The following AKAP19 variants were observed in gnomAD, a reference collection of about 807,000 sequenced individuals.
The protein encoded by AKAP19 is A-kinase anchoring protein 19.
the AKAP19 span, among the ~76,000 whole-genome samples, chr2:190,035,953 G>A: frequency 8.5e-5 from 13 of 152,168 alleles, no homozygotes; most frequent in African/African-American, 3.1e-4. Context: ...GCTAGATTAT[G>A]TGATGGGTGT....
chr2:190,199,959 A>ATGTC, the AKAP19 span: 6 of 1,614,100 alleles, frequency 3.7e-6, no homozygotes, highest in Non-Finnish European at 5.1e-6. Flanking sequence ...CAGAAGAGAG[A>ATGTC]TGTCTACCTA....
chr2:190,111,682 G>C, the AKAP19 span, among the ~76,000 whole-genome samples: 5 of 151,442 alleles, frequency 3.3e-5, no homozygotes, highest in Non-Finnish European at 4.4e-5. Flanking sequence ...GAGAGACAGA[G>C]AAAGAAAGAG....
the AKAP19 span, among the ~76,000 whole-genome samples, chr2:190,169,215 G>A: frequency 2.3e-3 from 348 of 152,256 alleles, 1 homozygote; most frequent in Non-Finnish European, 2.3e-3. Flanking sequence ...CAGATCTCAT[G>A]AGACTTATTC....
At chr2:189,969,728 C>CAA in the AKAP19 span, among the ~76,000 whole-genome samples, 2,023 of 49,178 alleles carry the variant, frequency 0.041, 108 homozygotes, top group African/African-American at 0.14. Flanking sequence ...GACTCCATCT[C>CAA]AAAAAAAAAA....
chr2:190,038,901 T>TTTCTTTCTTTCTTTCTTTCTTC, the AKAP19 span, among the ~76,000 whole-genome samples: 4 of 46,020 alleles, frequency 8.7e-5, no homozygotes, highest in African/African-American at 2.9e-4. Context: ...TCTTTCTTTC[T>TTTCTTTCTTTCTTTCTTTCTTC]TTCTTCTTCT....
chr2:190,021,906 C>G, the AKAP19 span, among the ~76,000 whole-genome samples: 1 of 152,070 alleles, frequency 6.6e-6, no homozygotes, highest in African/African-American at 2.4e-5. Context: ...ATTACGGAGG[C>G]CAAGAAGTCC....
the AKAP19 span, among the ~76,000 whole-genome samples, chr2:190,182,129 C>A: frequency 1.3e-5 from 2 of 152,176 alleles, no homozygotes; most frequent in Non-Finnish European, 2.9e-5. Flanking sequence ...GACAGGCCAG[C>A]CACATTTTGA....
At chr2:189,910,739 C>T in the AKAP19 span, among the ~76,000 whole-genome samples, 2 of 151,894 alleles carry the variant, frequency 1.3e-5, no homozygotes, top group African/African-American at 2.4e-5. Flanking sequence ...CTTAAATTCT[C>T]AATGAACGCA....
chr2:190,188,022 T>C, the AKAP19 span, among the ~76,000 whole-genome samples: 1 of 152,240 alleles, frequency 6.6e-6, no homozygotes, highest in Non-Finnish European at 1.5e-5. Flanking sequence ...GGGGCTTTCT[T>C]TTCCTCATGT....
chr2:189,897,023 T>A, the AKAP19 span, among the ~76,000 whole-genome samples: 1 of 152,114 alleles, frequency 6.6e-6, no homozygotes, highest in Non-Finnish European at 1.5e-5. Context: ...CTCTATTCAT[T>A]ACTAGCTGTG....
At chr2:189,887,713 A>G in the AKAP19 span, among the ~76,000 whole-genome samples, 86 of 152,220 alleles carry the variant, frequency 5.6e-4, 1 homozygote, top group Admixed American at 5.2e-3. Context: ...CATTTCTCTA[A>G]TGACCAGTGA....
the AKAP19 span, among the ~76,000 whole-genome samples, chr2:190,060,901 C>T: frequency 6.6e-6 from 1 of 151,974 alleles, no homozygotes; most frequent in Non-Finnish European, 1.5e-5. Flanking sequence ...CACTGAGCAA[C>T]TTACTGAGCC....
At chr2:189,970,679 T>C in the AKAP19 span, among the ~76,000 whole-genome samples, 1 of 152,246 alleles carries the variant, frequency 6.6e-6, no homozygotes, top group Non-Finnish European at 1.5e-5. Context: ...ATTCTATCAA[T>C]ATTTTTCCAC....
chr2:189,974,118 G>T, the AKAP19 span, among the ~76,000 whole-genome samples: 6 of 151,978 alleles, frequency 3.9e-5, no homozygotes, highest in African/African-American at 1.5e-4. Context: ...TGGGCATTTA[G>T]TGCTATAAAT....
chr2:190,022,667 G>A, the AKAP19 span, among the ~76,000 whole-genome samples: 1 of 152,092 alleles, frequency 6.6e-6, no homozygotes, highest in East Asian at 1.9e-4. Context: ...ATGCATACAG[G>A]AAATATTTAT....
the AKAP19 span, among the ~76,000 whole-genome samples, chr2:190,114,291 A>G: frequency 6.6e-6 from 1 of 152,234 alleles, no homozygotes; most frequent in Non-Finnish European, 1.5e-5. Flanking sequence ...TTACTCATTC[A>G]TACTTTTCAT....
At chr2:190,117,342 T>A in the AKAP19 span, among the ~76,000 whole-genome samples, 1 of 152,204 alleles carries the variant, frequency 6.6e-6, no homozygotes, top group Non-Finnish European at 1.5e-5. Context: ...CTTAGTGTTA[T>A]CCTATAATGT....
chr2:190,064,957 A>G, the AKAP19 span, among the ~76,000 whole-genome samples: 2 of 152,162 alleles, frequency 1.3e-5, no homozygotes, highest in African/African-American at 2.4e-5. Context: ...ATGAAACTCA[A>G]TATTCCTAGC....
chr2:189,952,313 T>G, the AKAP19 span, among the ~76,000 whole-genome samples: 1 of 152,176 alleles, frequency 6.6e-6, no homozygotes, highest in Non-Finnish European at 1.5e-5. Flanking sequence ...TTTCCTCCCC[T>G]ATACAAGAAA....
Sources: gnomAD v4.1 joint callset for allele counts (sites outside exome capture counted in the v4.1 genomes callset) on GRCh38, gnomAD v4.1.1 for gene constraint, MANE v1.5 for transcripts, NCBI Gene and HGNC (gene_info 2026-07-23, HGNC 2026-07-21) for gene names.